Variants in PMEPA1 observed in about 807,000 individuals in gnomAD.
PMEPA1 encodes protein TMEPAI.
PMEPA1 carries 11 observed loss-of-function variants against 23.0 expected under a neutral mutation model. That is an observed-to-expected ratio of 0.48 (90% CI 0.30 to 0.79). The LOEUF (loss-of-function observed/expected upper bound fraction) is 0.79. Ranked by LOEUF, PMEPA1 falls within the 30% of genes least tolerant of loss-of-function variation. The pLI, the probability that PMEPA1 is intolerant of heterozygous loss-of-function variation, is 0.06. For missense variants in PMEPA1, 377 were observed against 390.9 expected, an observed-to-expected ratio of 0.96 and a Z score of 0.30; for synonymous variants, 204 against 166.4, an observed-to-expected ratio of 1.23 and a Z score of -1.74.
At chr20:57,667,385 C>T (rs879840402) in intron 1 of PMEPA1, among the ~76,000 whole-genome samples, 9 of 152,216 alleles carry the variant, frequency 5.9e-5, no homozygotes, top group South Asian at 2.1e-4. Context: ...ACCCAGCCCA[C>T]GGGGGCACTA....
At chr20:57,697,015 G>A (rs1406516572) in intron 1 of PMEPA1, among the ~76,000 whole-genome samples, 2 of 152,354 alleles carry the variant, frequency 1.3e-5, no homozygotes, top group Non-Finnish European at 1.5e-5. Flanking sequence ...CTGAAGTGTG[G>A]GAGTTCCCGC....
chr20:57,668,633 G>A (rs1321509623), intron 1 of PMEPA1, among the ~76,000 whole-genome samples: 1 of 152,222 alleles, frequency 6.6e-6, no homozygotes, highest in Non-Finnish European at 1.5e-5. Flanking sequence ...CCTCTGCAGA[G>A]TGAAACAGCA....
At chr20:57,672,537 G>C (rs921751135) in intron 1 of PMEPA1, among the ~76,000 whole-genome samples, 2 of 152,356 alleles carry the variant, frequency 1.3e-5, no homozygotes, top group East Asian at 3.9e-4. Flanking sequence ...GCGTGCTGGA[G>C]AGCCTCTGAG....
intron 1 of PMEPA1, among the ~76,000 whole-genome samples, chr20:57,697,116 G>C (rs1041527797): frequency 1.3e-5 from 2 of 152,170 alleles, no homozygotes; most frequent in Non-Finnish European, 2.9e-5. Flanking sequence ...ACTCACACAG[G>C]GTGACAAGGA....
At chr20:57,692,245 A>G (rs2071891753) in intron 1 of PMEPA1, among the ~76,000 whole-genome samples, 1 of 152,248 alleles carries the variant, frequency 6.6e-6, no homozygotes, top group Non-Finnish European at 1.5e-5. Context: ...ACAGAGGCTC[A>G]TAGAGGAGAC....
chr20:57,692,701 G>A (rs2071898638), intron 1 of PMEPA1, among the ~76,000 whole-genome samples: 1 of 152,220 alleles, frequency 6.6e-6, no homozygotes, highest in South Asian at 2.1e-4. Flanking sequence ...GCTTGTGGAA[G>A]CCATGGTCAC....
chr20:57,684,019 C>A (rs1450063634), intron 1 of PMEPA1, among the ~76,000 whole-genome samples: 2 of 152,184 alleles, frequency 1.3e-5, no homozygotes, highest in Admixed American at 6.5e-5. Flanking sequence ...CCACGCCCCA[C>A]CCCCGGCTCC....
chr20:57,698,153 G>C (rs2071965858), intron 1 of PMEPA1, among the ~76,000 whole-genome samples: 1 of 152,184 alleles, frequency 6.6e-6, no homozygotes, highest in Admixed American at 6.5e-5. Context: ...CATAAACACA[G>C]GGAGAGATAC....
Position 57,655,460 on chromosome 20 carries a change from CAG to C in PMEPA1, c.265-2376_265-2375del, listed in dbSNP as rs2071313912. On this transcript the variant is annotated intron_variant, in intron 2 of 3. Transcript: ENST00000341744. This position sits in a 1 kb window ranked among gnomAD's most constrained non-coding sequence, Gnocchi z 4.2. Reference sequence around the variant, plus strand: ...GCCAGGCGCCGGCGTGCTATGCAGTCAGGGAGTGCTCAGGTTGCTACTTAAGT... The same window carrying C: ...GCCAGGCGCCGGCGTGCTATGCAGTCGGAGTGCTCAGGTTGCTACTTAAGT... Among the ~76,000 whole-genome samples the C allele has an allele frequency of 6.6e-6, 1 of 152,244 alleles. No homozygotes were observed. Among genetic ancestry groups the C allele is most frequent in the Non-Finnish European group, 1.5e-5 (1 of 68,044 alleles).
intron 1 of PMEPA1, among the ~76,000 whole-genome samples, chr20:57,707,039 A>G (rs2072099855): frequency 6.6e-6 from 1 of 152,108 alleles, no homozygotes; most frequent in South Asian, 2.1e-4. Context: ...TGGCTTAAGG[A>G]CCTAGCAAGG....
In PMEPA1 at chr20:57,681,652, C is replaced by G. The variant is rs796333667; in HGVS notation, c.110-21955G>C. Among the ~76,000 whole-genome samples, 4 of 152,206 alleles carry G rather than the reference C, an allele frequency of 2.6e-5. 1 individual carries two copies. The South Asian group carries it at 8.3e-4, about 32-fold the overall frequency. ...GCTCTCCACGTACCCTCCACCTCCT[C>G]CCCTGCTGGCAGCACCTTACAAAAC... On this transcript the variant is annotated intron_variant, in intron 1 of 3. Coordinates refer to ENST00000341744, the MANE Select transcript of PMEPA1 (RefSeq NM_020182.5).
chr20:57,709,864 G>A lies in PMEPA1; in HGVS notation c.-282C>T, dbSNP rs1600682742. ...GGAAAATGGGCTGGCAGCGGGGCGC[G>A]CGCTGCCGCCGGGGCTGAGCCTCTG... On this transcript the variant is annotated 5_prime_UTR_variant, in exon 1 of 4. Coordinates refer to ENST00000341744, the MANE Select transcript of PMEPA1 (RefSeq NM_020182.5). 1.0e-6 allele frequency: 1 copy of A among 992,022 alleles called. No individual in the cohort carries two copies. The highest frequency in any genetic ancestry group is 1.2e-6 in the Non-Finnish European group (1 of 835,414). 61.5% of individuals were successfully genotyped at this position (992,022 alleles called of 1,614,324 possible). A position where few individuals can be genotyped will look rare whatever the true frequency, so the allele number is the denominator to read the frequency against.
chr20:57,698,457 C>T (rs1277254675), intron 1 of PMEPA1, among the ~76,000 whole-genome samples: 1 of 152,212 alleles, frequency 6.6e-6, no homozygotes, highest in Non-Finnish European at 1.5e-5. Context: ...GAGGCATAGA[C>T]ACCAATAAAT....
chr20:57,666,261 G>A (rs899445136), intron 1 of PMEPA1, among the ~76,000 whole-genome samples: 6 of 152,052 alleles, frequency 3.9e-5, no homozygotes, highest in African/African-American at 1.2e-4. Flanking sequence ...TGGGAGGTGC[G>A]GGCACAGCTC....
Position 57,682,597 on chromosome 20 carries a change from A to G in PMEPA1, c.110-22900T>C, listed in dbSNP as rs1470904189. Among the ~76,000 whole-genome samples, 2 of 152,174 alleles carry G rather than the reference A, an allele frequency of 1.3e-5. No homozygotes were observed. Among genetic ancestry groups the G allele is most frequent in the Non-Finnish European group, 1.5e-5 (1 of 68,030 alleles). Reference sequence around the variant, plus strand: ...CCCCACACCTGGAAGACGAAAGGACACGAGAAGGAGAGGCACAGCTGCGTC... The same window carrying G: ...CCCCACACCTGGAAGACGAAAGGACGCGAGAAGGAGAGGCACAGCTGCGTC... On this transcript the variant is annotated intron_variant, in intron 1 of 3. Transcript: ENST00000341744. This position sits in a 1 kb window ranked among gnomAD's most constrained non-coding sequence, Gnocchi z 4.4.
intron 1 of PMEPA1, among the ~76,000 whole-genome samples, chr20:57,664,131 C>T (rs534424068): frequency 4.6e-4 from 70 of 152,310 alleles, no homozygotes; most frequent in African/African-American, 1.4e-3. Flanking sequence ...CCCAAGGGCA[C>T]GCGCACCGAC....
chr20:57,681,457 TGTC>T (rs2071712340), intron 1 of PMEPA1, among the ~76,000 whole-genome samples: 1 of 152,162 alleles, frequency 6.6e-6, no homozygotes, highest in South Asian at 2.1e-4. Context: ...CTCTCTAGGG[TGTC>T]CCCTGCCTGA....
chr20:57,680,273 C>G (rs1159741591), intron 1 of PMEPA1, among the ~76,000 whole-genome samples: 1 of 152,196 alleles, frequency 6.6e-6, no homozygotes, highest in Admixed American at 6.5e-5. Context: ...CCGTCAACAC[C>G]CGCATTCTGC....
At chr20:57,659,096 A>G (rs2071369206) in intron 2 of PMEPA1, among the ~76,000 whole-genome samples, 1 of 152,054 alleles carries the variant, frequency 6.6e-6, no homozygotes, top group African/African-American at 2.4e-5. Flanking sequence ...CTGCCTCCCT[A>G]GCCGAGGGTT....
Sources: gnomAD v4.1 joint callset for allele counts (sites outside exome capture counted in the v4.1 genomes callset) on GRCh38, gnomAD v4.1.1 for gene constraint, Gnocchi (gnomAD v3.1) non-coding constraint, MANE v1.5 for transcripts, NCBI Gene and HGNC (gene_info 2026-07-23, HGNC 2026-07-21) for gene names.